The following RUNX1 variants were observed in gnomAD, a reference collection of about 807,000 sequenced individuals.
The protein encoded by RUNX1 is RUNX family transcription factor 1.
Under a neutral mutation model 42.8 loss-of-function variants are expected in RUNX1, and 19 were observed. The ratio of observed to expected loss-of-function variants is 0.44; its 90% CI spans 0.31 to 0.65. RUNX1 has a LOEUF of 0.65. Among genes scored for constraint, RUNX1 ranks in the 30% least tolerant of loss-of-function variants. The pLI is 0.07. For missense variants in RUNX1, 528 were observed against 672.0 expected, an observed-to-expected ratio of 0.79 and a Z score of 2.37; for synonymous variants, 271 against 289.4, an observed-to-expected ratio of 0.94 and a Z score of 0.64.
intron 6 of RUNX1, among the ~76,000 whole-genome samples, chr21:34,846,122 T>C (rs907500015): frequency 6.6e-6 from 1 of 151,624 alleles, no homozygotes; most frequent in Non-Finnish European, 1.5e-5. Context: ...CCAAGGTCTC[T>C]GACCAGCCAG....
At chr21:34,947,706 G>T (rs1189027060) in intron 2 of RUNX1, among the ~76,000 whole-genome samples, 1 of 152,178 alleles carries the variant, frequency 6.6e-6, no homozygotes, top group Non-Finnish European at 1.5e-5. Context: ...TTCCTCCACA[G>T]AAGCCTTTAT....
intron 2 of RUNX1, among the ~76,000 whole-genome samples, chr21:34,990,114 T>C (rs978805372): frequency 1.3e-5 from 2 of 152,174 alleles, no homozygotes; most frequent in Non-Finnish European, 2.9e-5. Context: ...GTTCTATCTC[T>C]GTGCTGCTGC....
At chr21:34,931,316 C>T (rs1371020295) in intron 2 of RUNX1, among the ~76,000 whole-genome samples, 2 of 145,120 alleles carry the variant, frequency 1.4e-5, no homozygotes, top group African/African-American at 2.6e-5. Context: ...AATCAACATG[C>T]ATTATATATA....
chr21:34,834,206 TCTGACTCGGTGGGTCTGGGG>T (rs1296046812), intron 7 of RUNX1, 184 bp downstream of exon 7: 14 of 703,716 alleles, frequency 2.0e-5, no homozygotes, highest in Non-Finnish European at 3.1e-5. Context: ...ACAATGCAGA[TCTGACTCGGTGGGTCTGGGG>T]TGGGTGGGGC....
intron 2 of RUNX1, among the ~76,000 whole-genome samples, chr21:34,903,147 T>C (rs2058190611): frequency 6.6e-6 from 1 of 152,202 alleles, no homozygotes; most frequent in Non-Finnish European, 1.5e-5. Flanking sequence ...TTCTATAATT[T>C]ACATGGTGAT....
intron 7 of RUNX1, among the ~76,000 whole-genome samples, chr21:34,815,593 C>T (rs936805776): frequency 3.3e-5 from 5 of 152,028 alleles, no homozygotes; most frequent in African/African-American, 1.2e-4. Context: ...AGTGCTGGAA[C>T]CAAGAACAAT....
At chr21:34,834,124 C>A in intron 7 of RUNX1, 2 of 653,852 alleles carry the variant, frequency 3.1e-6, no homozygotes, top group Non-Finnish European at 5.7e-6. Context: ...AGCTATCTAT[C>A]CAATATGGAT....
At chr21:34,804,033 C>G (rs1381747001) in intron 7 of RUNX1, among the ~76,000 whole-genome samples, 1 of 152,108 alleles carries the variant, frequency 6.6e-6, no homozygotes, top group Non-Finnish European at 1.5e-5. Flanking sequence ...TTTCTTAAGT[C>G]CAATGGAAAG....
At chr21:34,919,614 C>T (rs964725854) in intron 2 of RUNX1, among the ~76,000 whole-genome samples, 6 of 151,990 alleles carry the variant, frequency 3.9e-5, no homozygotes, top group South Asian at 2.1e-4. Context: ...CTGACTCTTC[C>T]GGGGAAAAAA....
intron 5 of RUNX1, among the ~76,000 whole-genome samples, chr21:34,865,032 C>T (rs1318484534): frequency 6.6e-6 from 1 of 152,044 alleles, no homozygotes; most frequent in Non-Finnish European, 1.5e-5. Context: ...TCTCTGGGGC[C>T]TCAGCTTTGT....
chr21:34,891,201 C>T (rs2058077456), intron 3 of RUNX1, among the ~76,000 whole-genome samples: 1 of 152,218 alleles, frequency 6.6e-6, no homozygotes, highest in Non-Finnish European at 1.5e-5. Flanking sequence ...CCCAGCCTTG[C>T]ATGCACCGAG....
intron 7 of RUNX1, among the ~76,000 whole-genome samples, chr21:34,804,742 C>CTTTTTT (rs58321227): frequency 7.5e-6 from 1 of 132,656 alleles, no homozygotes; most frequent in Non-Finnish European, 1.6e-5. Flanking sequence ...GAGATGGAAA[C>CTTTTTT]TTTTTTTTTT....
At chr21:35,008,673 CA>C (rs1378567610) in intron 2 of RUNX1, among the ~76,000 whole-genome samples, 1 of 152,256 alleles carries the variant, frequency 6.6e-6, no homozygotes, top group East Asian at 1.9e-4. Context: ...AGTTCTATAG[CA>C]GTGAGCCCAG....
rs33913281 is a variant in RUNX1, at chr21:34,985,867, CTTTT to C, written c.58+62971_58+62974del. 1.2e-3 allele frequency among the ~76,000 whole-genome samples: 90 copies of C among 75,456 alleles called. 1 individual carries two copies. The highest frequency in any genetic ancestry group is 4.3e-3 in the African/African-American group (85 of 19,878). 49.5% of individuals were successfully genotyped at this position (75,456 alleles called of 152,430 possible). On this transcript the variant is annotated intron_variant, in intron 2 of 8. Coordinates refer to ENST00000675419, the MANE Select transcript of RUNX1 (RefSeq NM_001754.5). The stretch of plus-strand genomic sequence containing the variant: ...TGGTCTATCAACAACTCTGACCAGA[CTTTT>C]TTTTTTTTTTTTTTTTTTTGAGACA...
At position 34,846,280 on chromosome 21, in the gene RUNX1, C is replaced by G. The variant is rs150917449; in HGVS notation, c.614-11679G>C. Among the ~76,000 whole-genome samples the G allele has an allele frequency of 1.0e-3, 145 of 143,754 alleles. 2 individuals carry two copies. The highest frequency in any genetic ancestry group is 1.8e-3 in the Non-Finnish European group (122 of 66,556). The allele number at this position is 143,754 out of a possible 152,430, so 94.3% of individuals were successfully genotyped here. On this transcript the variant is annotated intron_variant, in intron 6 of 8. Transcript: ENST00000675419. ...TTTCCCCTACTTAGAGCATGTCACT[C>G]TGGCGTGGACCTTCATTCATCTCTT...
intron 6 of RUNX1, among the ~76,000 whole-genome samples, chr21:34,846,570 T>C (rs545953991): frequency 6.6e-6 from 1 of 150,462 alleles, no homozygotes; most frequent in Non-Finnish European, 1.5e-5. Context: ...TCTGAGGGTC[T>C]AAGAGGAGAC....
chr21:34,902,680 C>T (rs761295791), intron 2 of RUNX1, among the ~76,000 whole-genome samples: 1 of 152,116 alleles, frequency 6.6e-6, no homozygotes, highest in Non-Finnish European at 1.5e-5. Flanking sequence ...TGCAGGAGTA[C>T]TCACTATCTC....
At position 34,964,210 on chromosome 21, in the gene RUNX1, C is replaced by T. The variant is rs112550274; in HGVS notation, c.59-71247G>A. 9.9e-3 allele frequency among the ~76,000 whole-genome samples: 1,507 copies of T among 152,248 alleles called. 21 individuals carry two copies. Among genetic ancestry groups the T allele is most frequent in the African/African-American group, 0.03 (1,240 of 41,550 alleles). Reference sequence around the variant, plus strand: ...CTGAACTCAAGAAGTTCAGATGGGACGGGCACGGTGGCTCACGCCTGTAAT... The same window carrying T: ...CTGAACTCAAGAAGTTCAGATGGGATGGGCACGGTGGCTCACGCCTGTAAT... On this transcript the variant is annotated intron_variant, in intron 2 of 8. Coordinates refer to ENST00000675419, the MANE Select transcript of RUNX1 (RefSeq NM_001754.5).
Position 34,792,307 on chromosome 21 carries a change from G to C in RUNX1, c.1271C>G (p.Ser424Trp). 1 of 1,542,182 alleles carries C rather than the reference G, an allele frequency of 6.5e-7. No homozygotes were observed. The change falls in exon 9 of 9, where the codon TCG (serine) becomes TGG (tryptophan). Residue 424 changes from serine to tryptophan, a missense_variant. Around this residue, in one of 3 missense-constraint regions of RUNX1, gnomAD observed 331 missense variants for 382.5 expected, o/e 0.87. Transcript: ENST00000675419. The surrounding 1 kb of genome is among the most constrained non-coding windows in gnomAD (Gnocchi z 6.9). ...GCAGGGCGGCAGGATGCGCGGCGGC[G>C]AGCGCTCGCCGCCCACCATGGAGAA... ...YQFSMVGGER[S>W]PPRILPPCTN...
Sources: gnomAD v4.1 joint callset for allele counts (sites outside exome capture counted in the v4.1 genomes callset) on GRCh38, gnomAD v4.1.1 for gene constraint, gnomAD v4.1.1 regional missense constraint, Gnocchi (gnomAD v3.1) non-coding constraint, MANE v1.5 for transcripts, NCBI Gene and HGNC (gene_info 2026-07-23, HGNC 2026-07-21) for gene names.